Variants in FIBCD1 observed in about 807,000 individuals in gnomAD.
The protein encoded by FIBCD1 is fibrinogen C domain containing 1.
Under a neutral mutation model 45.1 loss-of-function variants are expected in FIBCD1, and 47 were observed. The ratio of observed to expected loss-of-function variants is 1.04; its 90% CI spans 0.82 to 1.33. The LOEUF is 1.33. Among genes scored for constraint, FIBCD1 ranks in the 40% most tolerant of loss-of-function variants. FIBCD1 has a pLI of 0.00. For synonymous variants in FIBCD1, 313 were observed against 308.1 expected, an observed-to-expected ratio of 1.02 and a Z score of -0.17; for missense variants, 653 against 682.2, an observed-to-expected ratio of 0.96 and a Z score of 0.48.
rs2133103504 is a variant in FIBCD1, at chr9:130,922,851, C to T, written c.849+893G>A. ...TCCCTGGTAGCCGCGTTAGGTTGCC[C>T]CCTCCTCCTGGAATACCTTCTCCTT... is the stretch of plus-strand genomic sequence containing the variant. On this transcript the variant is annotated intron_variant, in intron 4 of 6. Coordinates refer to ENST00000372338, the MANE Select transcript of FIBCD1 (RefSeq NM_032843.5). The surrounding 1 kb of genome is among the most constrained non-coding windows in gnomAD (Gnocchi z 4.5). Among the ~76,000 whole-genome samples the T allele has an allele frequency of 6.6e-6, 1 of 152,222 alleles. No individual in the cohort carries two copies. The highest frequency in any genetic ancestry group is 2.1e-4 in the South Asian group (1 of 4,826).
rs1316866594 is a variant in FIBCD1, at chr9:130,938,631, G to A, written c.-24C>T. The A allele has an allele frequency of 5.0e-6, 7 of 1,408,034 alleles. No homozygotes were observed. The highest frequency in any genetic ancestry group is 1.5e-5 in the African/African-American group (1 of 66,588). 87.2% of individuals were successfully genotyped at this position (1,408,034 alleles called of 1,614,324 possible). A position where few individuals can be genotyped will look rare whatever the true frequency, so the allele number is the denominator to read the frequency against. ...ATCTTCCGGCAGGACTGGCGGGGGC[G>A]CCGGGCGAGGCGCGCCGCTGCGGAG... On this transcript the variant is annotated 5_prime_UTR_variant, in exon 1 of 7. Coordinates refer to ENST00000372338, the MANE Select transcript of FIBCD1 (RefSeq NM_032843.5).
At chr9:130,927,245 A>G (rs564335535) in intron 2 of FIBCD1, among the ~76,000 whole-genome samples, 1 of 152,034 alleles carries the variant, frequency 6.6e-6, no homozygotes, top group East Asian at 1.9e-4. Context: ...TGTCTCGAAA[A>G]AAAAAAAAGA....
chr9:130,917,005 G>T (rs971338590), intron 4 of FIBCD1, among the ~76,000 whole-genome samples: 1 of 152,194 alleles, frequency 6.6e-6, no homozygotes, highest in Non-Finnish European at 1.5e-5. Flanking sequence ...GGCTGAGGCA[G>T]GAGAATCACT....
At chr9:130,904,346 G>C in intron 6 of FIBCD1, 23 bp from the exon 7 acceptor site, 2 of 1,583,142 alleles carry the variant, frequency 1.3e-6, no homozygotes, top group Non-Finnish European at 1.7e-6. Context: ...GCACACAGGT[G>C]TGGGCACGGG....
intron 5 of FIBCD1, among the ~76,000 whole-genome samples, chr9:130,910,550 G>C (rs964384387): frequency 6.6e-6 from 1 of 152,262 alleles, no homozygotes; most frequent in African/African-American, 2.4e-5. Context: ...CTGCAGTCCC[G>C]GTGCGGGATC....
At chr9:130,921,548 T>A (rs1431807149) in intron 4 of FIBCD1, among the ~76,000 whole-genome samples, 1 of 152,196 alleles carries the variant, frequency 6.6e-6, no homozygotes, top group Non-Finnish European at 1.5e-5. Flanking sequence ...TCGACTCCCC[T>A]CTAATCGCCC....
At position 130,904,022 on chromosome 9, in the gene FIBCD1, G is replaced by T; in HGVS notation, c.*42C>A. 1 of 1,601,396 alleles carries T rather than the reference G, an allele frequency of 6.2e-7. No individual in the cohort carries two copies. ...AAAGAGTGAGGTGGGGTCGGGGATG[G>T]GGCGACAGGGACCAGCAGGGCCAAG... On this transcript the variant is annotated 3_prime_UTR_variant, in exon 7 of 7. Coordinates refer to ENST00000372338, the MANE Select transcript of FIBCD1 (RefSeq NM_032843.5).
Position 130,905,244 on chromosome 9 carries a change from G to T in FIBCD1, c.1116C>A (p.Ser372=). 3 of 1,613,144 alleles carry T rather than the reference G, an allele frequency of 1.9e-6. No homozygotes were observed. Among genetic ancestry groups the T allele is most frequent in the Non-Finnish European group, 2.5e-6 (3 of 1,179,652 alleles). Reference sequence around the variant, plus strand: ...CAGCTGGAGCCTCACCTGCAGTGCCGGAATAGTCAGCCACGGTGAGCGGGT... The same window carrying T: ...CAGCTGGAGCCTCACCTGCAGTGCCTGAATAGTCAGCCACGGTGAGCGGGT... ...DGYPLTVADY[S]GTAGDSLLKH... Residue 372 remains serine, a synonymous_variant, in exon 6 of 7, where the codon TCC becomes TCA. Coordinates refer to ENST00000372338, the MANE Select transcript of FIBCD1 (RefSeq NM_032843.5).
At chr9:130,914,560 C>T (rs1045990989) in intron 4 of FIBCD1, among the ~76,000 whole-genome samples, 2 of 152,246 alleles carry the variant, frequency 1.3e-5, no homozygotes, top group Admixed American at 1.3e-4. Context: ...GAGACCCCAG[C>T]AGCCAGTGGG....
intron 4 of FIBCD1, among the ~76,000 whole-genome samples, chr9:130,918,896 A>G (rs1161510210): frequency 1.3e-5 from 2 of 152,202 alleles, no homozygotes; most frequent in East Asian, 3.9e-4. Flanking sequence ...GGAAGAGGCA[A>G]TCAAGTCAAT....
At chr9:130,923,718 C>T in intron 4 of FIBCD1, 26 bp downstream of exon 4, 1 of 1,608,468 alleles carries the variant, frequency 6.2e-7, no homozygotes, top group Non-Finnish European at 8.5e-7. Context: ...GCCTGCCCTG[C>T]CGCCCGCCCA....
In FIBCD1 at chr9:130,911,786, G is replaced by C. The variant is rs1426981023; in HGVS notation, c.946+6C>G. On this transcript the variant is annotated splice_donor_region_variant and intron_variant, in intron 5 of 6. Coordinates refer to ENST00000372338, the MANE Select transcript of FIBCD1 (RefSeq NM_032843.5). ...ACCTGGGCCGGATGGTGGGTGGGGT[G>C]CTCACCTAGCCAGTGCTCCCCGGTG... is the stretch of plus-strand genomic sequence containing the variant. The C allele has an allele frequency of 6.3e-7, 1 of 1,592,468 alleles. No homozygotes were observed. Among genetic ancestry groups the C allele is most frequent in the African/African-American group, 1.3e-5 (1 of 74,144 alleles).
At position 130,911,882 on chromosome 9, in the gene FIBCD1, G is replaced by A; in HGVS notation, c.856C>T (p.Gln286Ter). 1.3e-6 allele frequency: 2 copies of A among 1,577,272 alleles called. No individual in the cohort carries two copies. The highest frequency in any genetic ancestry group is 4.7e-5 in the East Asian group (2 of 42,180). The change falls in exon 5 of 7, where the codon CAG becomes TAG. Residue 286 changes from glutamine to a stop codon, truncating the protein, a stop_gained. Transcript: ENST00000372338. LOFTEE classifies it high-confidence loss of function. ...RTDGGGWTVF[Q>*]RREDGSVNFF... is the part of the protein sequence containing the mutation. ...TTCACGGAGCCGTCCTCCCGGCGCT[G>A]AAACACCTGCAAAGGGAAGATGGGG...
chr9:130,936,701 A>G (rs1456504881), intron 1 of FIBCD1, among the ~76,000 whole-genome samples: 1 of 152,234 alleles, frequency 6.6e-6, no homozygotes. Flanking sequence ...ATGCAGTGCC[A>G]TTCAGCAAAC....
In FIBCD1 at chr9:130,924,268, G is replaced by A; in HGVS notation, c.681C>T (p.Ala227=). The change falls in exon 3 of 7, where the codon GCC becomes GCT. Residue 227 remains alanine (A), a synonymous_variant. Coordinates refer to ENST00000372338, the MANE Select transcript of FIBCD1 (RefSeq NM_032843.5). The part of the protein sequence containing the change: ...RNKADLQRAP[A]RGTRPRGCAT... The stretch of plus-strand genomic sequence containing the variant: ...CACAGCCCCGGGGCCGGGTTCCCCG[G>A]GCAGGCGCTCTCTGAAGGTCGGCCT... The A allele has an allele frequency of 1.2e-6, 2 of 1,600,894 alleles. No individual in the cohort carries two copies. Among genetic ancestry groups the A allele is most frequent in the African/African-American group, 1.3e-5 (1 of 74,966 alleles).
intron 2 of FIBCD1, among the ~76,000 whole-genome samples, chr9:130,927,105 T>G (rs2133112589): frequency 6.6e-6 from 1 of 152,082 alleles, no homozygotes. Flanking sequence ...TAGCTAGACA[T>G]GGTGGTGCAC....
At chr9:130,913,823 A>G (rs979912741) in intron 4 of FIBCD1, among the ~76,000 whole-genome samples, 4 of 152,190 alleles carry the variant, frequency 2.6e-5, no homozygotes, top group Admixed American at 2.0e-4. Flanking sequence ...AGGGACCGGC[A>G]GGCCCGAAGC....
chr9:130,938,748 G>A lies in FIBCD1; in HGVS notation c.-141C>T, dbSNP rs1318197184. 12 of 273,222 alleles carry A rather than the reference G, an allele frequency of 4.4e-5. No homozygotes were observed. The highest frequency in any genetic ancestry group is 6.2e-5 in the Admixed American group (1 of 16,098). 16.9% of individuals were successfully genotyped at this position (273,222 alleles called of 1,614,324 possible). A position where few individuals can be genotyped will look rare whatever the true frequency, so the allele number is the denominator to read the frequency against. On this transcript the variant is annotated 5_prime_UTR_variant, in exon 1 of 7. Transcript: ENST00000372338. ...CTGTGCCCCGCGCCGGGGCGGCCCG[G>A]GAGCGGGCGGGCGTGTGAGGATGAG...
intron 4 of FIBCD1, among the ~76,000 whole-genome samples, chr9:130,912,320 C>T (rs1832070157): frequency 6.7e-6 from 1 of 149,660 alleles, no homozygotes; most frequent in Non-Finnish European, 1.5e-5. Context: ...GCAGAAGGAT[C>T]CCTTGAGCCC....
Sources: allele counts gnomAD v4.1 joint callset (sites outside exome capture counted in the v4.1 genomes callset), GRCh38; gene constraint gnomAD v4.1.1; non-coding constraint Gnocchi (gnomAD v3.1); transcripts MANE v1.5; gene names NCBI Gene and HGNC (gene_info 2026-07-23, HGNC 2026-07-21).